The following KLF8 variants were observed in gnomAD, a reference collection of about 807,000 sequenced individuals.
The protein encoded by KLF8 is Krueppel-like factor 8.
Under a neutral mutation model 18.2 loss-of-function variants are expected in KLF8, and 10 were observed. That is an observed-to-expected ratio of 0.55 (90% CI 0.34 to 0.93). The LOEUF (loss-of-function observed/expected upper bound fraction) is 0.93, where lower values mean the gene tolerates loss of function less well. Ranked by LOEUF, KLF8 falls within the 40% of genes least tolerant of loss-of-function variation. The pLI, the probability that KLF8 is intolerant of heterozygous loss-of-function variation, is 0.02. For synonymous variants in KLF8, 109 were observed against 97.3 expected, an observed-to-expected ratio of 1.12 and a Z score of -0.71; for missense variants, 264 against 277.9, an observed-to-expected ratio of 0.95 and a Z score of 0.36.
At chrX:56,131,266 A>G in the KLF8 span, among the ~76,000 whole-genome samples, 2 of 112,132 alleles carry the variant, frequency 1.8e-5, no homozygotes, top group Non-Finnish European at 3.8e-5. Flanking sequence ...TATTAAAGAA[A>G]CCTATCAGAT....
At chrX:56,052,621 C>G in the KLF8 span, among the ~76,000 whole-genome samples, 1 of 111,908 alleles carries the variant, frequency 8.9e-6, no homozygotes, top group Non-Finnish European at 1.9e-5. Flanking sequence ...AGCAGTCTCC[C>G]CATTCTCAGA....
the KLF8 span, among the ~76,000 whole-genome samples, chrX:55,915,389 A>G: frequency 1.8e-5 from 2 of 111,956 alleles, no homozygotes; most frequent in East Asian, 5.6e-4. Flanking sequence ...AAGACCAAAA[A>G]AGGAAATAGA....
Position 56,276,205 on chromosome X carries a change from A to C in KLF8, c.898+5884A>C, listed in dbSNP as rs768417877. Among the ~76,000 whole-genome samples, 5 of 104,861 alleles carry C rather than the reference A, an allele frequency of 4.8e-5. No homozygotes were observed. In the South Asian group the frequency reaches 2.3e-3, roughly 49 times the overall value. The allele number at this position is 104,861 out of a possible 115,157, so 91.1% of individuals were successfully genotyped here. A position where few individuals can be genotyped will look rare whatever the true frequency, so the allele number is the denominator to read the frequency against. The stretch of plus-strand genomic sequence containing the variant: ...GCCCAGGCTGTAGTGCAGTGGCATG[A>C]TCTCAGCTCACTGCAACCTCCACCT... On this transcript the variant is annotated intron_variant, in intron 5 of 5. Coordinates refer to ENST00000468660, the MANE Select transcript of KLF8 (RefSeq NM_007250.5).
chrX:56,078,950 C>A, the KLF8 span, among the ~76,000 whole-genome samples: 3 of 110,861 alleles, frequency 2.7e-5, no homozygotes, highest in Non-Finnish European at 5.7e-5. Flanking sequence ...GTAGTATTCT[C>A]TGATGGTAGT....
chrX:56,269,192 C>CAAA, intron 3 of KLF8, 186 bp from the exon 4 acceptor site: 1 of 761,670 alleles, frequency 1.3e-6, no homozygotes. Context: ...CCCTGCTATG[C>CAAA]AAAAAAAAAA....
At chrX:56,253,720 A>G (rs1057511695) in intron 2 of KLF8, among the ~76,000 whole-genome samples, 3 of 70,149 alleles carry the variant, frequency 4.3e-5, no homozygotes, top group African/African-American at 1.6e-4. Flanking sequence ...AAATTTTCGG[A>G]TTTCGTTTTT....
At chrX:56,190,233 T>C in the KLF8 span, among the ~76,000 whole-genome samples, 1 of 110,570 alleles carries the variant, frequency 9.0e-6, no homozygotes, top group Non-Finnish European at 1.9e-5. Flanking sequence ...AAGAAGATAG[T>C]AGAAGGTCAA....
At chrX:56,052,852 C>T in the KLF8 span, among the ~76,000 whole-genome samples, 1 of 111,557 alleles carries the variant, frequency 9.0e-6, no homozygotes, top group Non-Finnish European at 1.9e-5. Context: ...CAATGGCGGG[C>T]ACCCCTCCCC....
At chrX:56,154,634 T>C in the KLF8 span, among the ~76,000 whole-genome samples, 5 of 111,877 alleles carry the variant, frequency 4.5e-5, no homozygotes, top group Non-Finnish European at 7.5e-5. Context: ...AGCTTCTGCA[T>C]AGCAAAAGAA....
the KLF8 span, among the ~76,000 whole-genome samples, chrX:55,939,829 G>A: frequency 8.9e-6 from 1 of 111,879 alleles, no homozygotes; most frequent in Non-Finnish European, 1.9e-5. Flanking sequence ...AAACCAGGAA[G>A]AAGTTGAATC....
chrX:56,171,233 C>T, the KLF8 span, among the ~76,000 whole-genome samples: 2 of 111,086 alleles, frequency 1.8e-5, no homozygotes, highest in African/African-American at 6.5e-5. Context: ...ATAGACAGTA[C>T]AAAAAGATAT....
At chrX:55,968,348 A>G in the KLF8 span, among the ~76,000 whole-genome samples, 3 of 112,304 alleles carry the variant, frequency 2.7e-5, no homozygotes, top group African/African-American at 9.7e-5. Flanking sequence ...GTTTCCTACA[A>G]GAAATATACT....
chrX:56,067,500 G>C, the KLF8 span, among the ~76,000 whole-genome samples: 1 of 111,065 alleles, frequency 9.0e-6, no homozygotes. Context: ...GGAAACAAAA[G>C]GGCTAGTGAG....
At chrX:55,932,977 A>G in the KLF8 span, among the ~76,000 whole-genome samples, 1 of 111,480 alleles carries the variant, frequency 9.0e-6, no homozygotes, top group South Asian at 3.7e-4. Flanking sequence ...TTTTATGTTA[A>G]TAGCACACTC....
chrX:55,998,244 A>G, the KLF8 span, among the ~76,000 whole-genome samples: 3 of 110,850 alleles, frequency 2.7e-5, no homozygotes, highest in East Asian at 8.5e-4. Flanking sequence ...GGCAGGAGAC[A>G]GATGCCTTCC....
the KLF8 span, among the ~76,000 whole-genome samples, chrX:55,988,673 G>A: frequency 9.0e-6 from 1 of 111,327 alleles, no homozygotes; most frequent in Non-Finnish European, 1.9e-5. Context: ...TAGGAATGAC[G>A]TGGCGATGTG....
the KLF8 span, among the ~76,000 whole-genome samples, chrX:55,964,221 G>C: frequency 9.0e-6 from 1 of 111,378 alleles, no homozygotes; most frequent in Admixed American, 9.5e-5. Flanking sequence ...GAGAAAAAAA[G>C]AGCAAACCAA....
In KLF8 at chrX:56,290,969, C is replaced by G. The variant is rs1366792109; in HGVS notation, c.*6475C>G. Reference sequence around the variant, plus strand: ...CTACAAGTAGCTGTGTTGGACATTACTTTATAACTATGCTGTATGCCATGC... The same window carrying G: ...CTACAAGTAGCTGTGTTGGACATTAGTTTATAACTATGCTGTATGCCATGC... On this transcript the variant is annotated 3_prime_UTR_variant, in exon 6 of 6. Coordinates refer to ENST00000468660, the MANE Select transcript of KLF8 (RefSeq NM_007250.5). 9.1e-6 allele frequency among the ~76,000 whole-genome samples: 1 copy of G among 110,066 alleles called. No individual in the cohort carries two copies. Among genetic ancestry groups the G allele is most frequent in the African/African-American group, 3.3e-5 (1 of 30,322 alleles).
At chrX:56,234,955 C>T (rs1263188227) in intron 1 of KLF8, among the ~76,000 whole-genome samples, 2 of 111,619 alleles carry the variant, frequency 1.8e-5, no homozygotes, top group Admixed American at 1.9e-4. Flanking sequence ...CCCTCAAGAC[C>T]AACTTACTTA....
Sources: allele counts gnomAD v4.1 joint callset (sites outside exome capture counted in the v4.1 genomes callset), GRCh38; gene constraint gnomAD v4.1.1; transcripts MANE v1.5; gene names NCBI Gene and HGNC (gene_info 2026-07-23, HGNC 2026-07-21).